The following HS3ST5 variants were observed in gnomAD, a reference collection of about 807,000 sequenced individuals.
The protein encoded by HS3ST5 is heparan sulfate-glucosamine 3-sulfotransferase 5.
In HS3ST5, 10 loss-of-function variants were observed where a neutral mutation model predicts 25.4. The observed-to-expected ratio is 0.39, with a 90% confidence interval of 0.24 to 0.67. The LOEUF is 0.67. Ranked by LOEUF, HS3ST5 falls within the 30% of genes least tolerant of loss-of-function variation. The probability of loss-of-function intolerance (pLI) is 0.44; values close to 1 mark genes in which losing one functional copy is unlikely to be tolerated. For synonymous variants in HS3ST5, 170 were observed against 162.4 expected, an observed-to-expected ratio of 1.05 and a Z score of -0.36; for missense variants, 324 against 420.7, an observed-to-expected ratio of 0.77 and a Z score of 2.01.
At chr6:114,295,490 T>C (rs1338428767) in intron 1 of HS3ST5, among the ~76,000 whole-genome samples, 1 of 152,160 alleles carries the variant, frequency 6.6e-6, no homozygotes. Flanking sequence ...ATCAGATAGG[T>C]AGAGCTTCTT....
intron 1 of HS3ST5, among the ~76,000 whole-genome samples, chr6:114,238,659 T>C (rs1276446787): frequency 6.6e-6 from 1 of 152,156 alleles, no homozygotes; most frequent in East Asian, 1.9e-4. Context: ...GGGAGAGGGC[T>C]GGTCTAATAC....
chr6:114,187,891 A>G (rs1780301643), intron 2 of HS3ST5, among the ~76,000 whole-genome samples: 1 of 152,186 alleles, frequency 6.6e-6, no homozygotes, highest in Non-Finnish European at 1.5e-5. Context: ...ATCAACCTCA[A>G]GGCAAGACCC....
intron 1 of HS3ST5, among the ~76,000 whole-genome samples, chr6:114,332,613 T>A (rs1237454998): frequency 6.6e-6 from 1 of 152,064 alleles, no homozygotes; most frequent in African/African-American, 2.4e-5. Context: ...GCACTGGAGA[T>A]ATAGGTACTG....
At chr6:114,221,965 G>A (rs1582731510) in intron 2 of HS3ST5, among the ~76,000 whole-genome samples, 1 of 149,516 alleles carries the variant, frequency 6.7e-6, no homozygotes, top group Non-Finnish European at 1.5e-5. Context: ...CTTGGGGAGA[G>A]CTTGTAAGTA....
At chr6:114,130,884 T>G (rs117766788) in intron 3 of HS3ST5, among the ~76,000 whole-genome samples, 8,777 of 152,110 alleles carry the variant, frequency 0.058, 309 homozygotes, top group Non-Finnish European at 0.08. Context: ...ACAAAAAAAA[T>G]TTTAAAATTA....
intron 1 of HS3ST5, among the ~76,000 whole-genome samples, chr6:114,244,097 G>A (rs1475896777): frequency 1.3e-5 from 2 of 152,206 alleles, no homozygotes; most frequent in Non-Finnish European, 2.9e-5. Context: ...TGAGGTTATA[G>A]AGAGCAGGGA....
chr6:114,280,536 C>T (rs1470231922), intron 1 of HS3ST5, among the ~76,000 whole-genome samples: 1 of 152,036 alleles, frequency 6.6e-6, no homozygotes, highest in Non-Finnish European at 1.5e-5. Flanking sequence ...AGACTCATTC[C>T]AGTGGCATAA....
chr6:114,195,179 G>A (rs1780678758), intron 2 of HS3ST5, among the ~76,000 whole-genome samples: 1 of 152,164 alleles, frequency 6.6e-6, no homozygotes. Flanking sequence ...AGATTTAGAG[G>A]GAGCTAGTTC....
intron 1 of HS3ST5, among the ~76,000 whole-genome samples, chr6:114,240,595 C>G (rs190349456): frequency 2.8e-4 from 43 of 152,220 alleles, no homozygotes; most frequent in Admixed American, 2.6e-3. Context: ...TGAAAAACTG[C>G]AGTAGATGCA....
At chr6:114,330,321 T>TGG (rs1270857927) in intron 1 of HS3ST5, among the ~76,000 whole-genome samples, 1 of 152,200 alleles carries the variant, frequency 6.6e-6, no homozygotes, top group Admixed American at 6.5e-5. Flanking sequence ...AAATGGCCTG[T>TGG]AATATGCTGA....
chr6:114,272,007 G>C (rs1165178860), intron 1 of HS3ST5, among the ~76,000 whole-genome samples: 1 of 152,128 alleles, frequency 6.6e-6, no homozygotes, highest in Non-Finnish European at 1.5e-5. Flanking sequence ...GATGACACTG[G>C]TGAGCCACTG....
intron 2 of HS3ST5, among the ~76,000 whole-genome samples, chr6:114,226,726 G>A (rs1771313962): frequency 6.6e-6 from 1 of 151,932 alleles, no homozygotes; most frequent in South Asian, 2.1e-4. Context: ...TATTGAGACT[G>A]TCTTGCTCAG....
At chr6:114,264,783 G>T (rs1246066380) in intron 1 of HS3ST5, among the ~76,000 whole-genome samples, 2 of 152,196 alleles carry the variant, frequency 1.3e-5, no homozygotes, top group African/African-American at 4.8e-5. Flanking sequence ...AGTTTACAAA[G>T]TAAGGAGAAG....
At chr6:114,252,363 CTG>C (rs1772703205) in intron 1 of HS3ST5, among the ~76,000 whole-genome samples, 1 of 152,154 alleles carries the variant, frequency 6.6e-6, no homozygotes, top group Non-Finnish European at 1.5e-5. Flanking sequence ...GACTGCCTGA[CTG>C]TGAAATTATG....
chr6:114,154,241 G>C (rs185604728), intron 3 of HS3ST5, among the ~76,000 whole-genome samples: 2 of 152,284 alleles, frequency 1.3e-5, no homozygotes, highest in Non-Finnish European at 2.9e-5. Flanking sequence ...ATCAATTATT[G>C]CTGCCTGCCT....
At chr6:114,272,961 C>A (rs1348122405) in intron 1 of HS3ST5, among the ~76,000 whole-genome samples, 1 of 152,042 alleles carries the variant, frequency 6.6e-6, no homozygotes, top group Non-Finnish European at 1.5e-5. Flanking sequence ...AGCAGCCTTG[C>A]AAGTCACAGC....
At chr6:114,269,884 C>A (rs1773565295) in intron 1 of HS3ST5, among the ~76,000 whole-genome samples, 1 of 152,156 alleles carries the variant, frequency 6.6e-6, no homozygotes, top group South Asian at 2.1e-4. Context: ...CAGCCTTTCA[C>A]TGGCTTGATA....
intron 1 of HS3ST5, among the ~76,000 whole-genome samples, chr6:114,340,114 G>A (rs1012547880): frequency 7.2e-5 from 11 of 152,050 alleles, no homozygotes; most frequent in Non-Finnish European, 1.0e-4. Flanking sequence ...TGTGTATGCC[G>A]GCAAAAATGG....
At chr6:114,272,396 T>A (rs7758085) in intron 1 of HS3ST5, among the ~76,000 whole-genome samples, 51,301 of 151,994 alleles carry the variant, frequency 0.34, 8,776 homozygotes, top group East Asian at 0.4. Flanking sequence ...AAGACTTAAC[T>A]TTGAAAGATT....
Sources: gnomAD v4.1 joint callset for allele counts (sites outside exome capture counted in the v4.1 genomes callset) on GRCh38, gnomAD v4.1.1 for gene constraint, MANE v1.5 for transcripts, NCBI Gene and HGNC (gene_info 2026-07-23, HGNC 2026-07-21) for gene names.